The following CPA6 variants were observed in gnomAD, a reference collection of about 807,000 sequenced individuals.
CPA6 encodes the protein carboxypeptidase B.
Under a neutral mutation model 63.3 loss-of-function variants are expected in CPA6, and 58 were observed. The observed-to-expected ratio is 0.92, with a 90% CI of 0.74 to 1.14. The LOEUF (loss-of-function observed/expected upper bound fraction) is 1.14. Among genes scored for constraint, CPA6 ranks in the 50% most tolerant of loss-of-function variants. The pLI, the probability that CPA6 is intolerant of heterozygous loss-of-function variation, is 0.00. For synonymous variants in CPA6, 185 were observed against 179.0 expected (o/e 1.03, Z -0.27); for missense variants, 565 against 526.6 (o/e 1.07, Z -0.71).
intron 8 of CPA6, among the ~76,000 whole-genome samples, chr8:67,450,627 T>C (rs1465716107): frequency 6.6e-6 from 1 of 152,254 alleles, no homozygotes; most frequent in Non-Finnish European, 1.5e-5. Context: ...AGTGCTATTG[T>C]TCCTTTCTGG....
intron 4 of CPA6, 93 bp downstream of exon 4, chr8:67,511,448 C>G: frequency 1.4e-6 from 1 of 740,116 alleles, no homozygotes; most frequent in South Asian, 1.6e-5. Flanking sequence ...ATGCTTCTCC[C>G]CTAGAAGCAT....
intron 6 of CPA6, among the ~76,000 whole-genome samples, chr8:67,495,679 GTTTTCT>G (rs1458354520): frequency 1.3e-5 from 2 of 151,822 alleles, no homozygotes; most frequent in African/African-American, 4.8e-5. Flanking sequence ...CCTTATCAGT[GTTTTCT>G]TTTTCTTTTT....
At chr8:67,636,081 T>C (rs1003860137) in intron 1 of CPA6, among the ~76,000 whole-genome samples, 1 of 151,626 alleles carries the variant, frequency 6.6e-6, no homozygotes, top group African/African-American at 2.4e-5. Context: ...GCAACTTTTG[T>C]TGGTTTGGGG....
intron 2 of CPA6, among the ~76,000 whole-genome samples, chr8:67,575,998 G>A (rs1198752149): frequency 6.6e-6 from 1 of 152,116 alleles, no homozygotes; most frequent in Non-Finnish European, 1.5e-5. Context: ...TGAATTCATG[G>A]GAACTGAGAG....
intron 3 of CPA6, among the ~76,000 whole-genome samples, chr8:67,517,105 C>T (rs1410243584): frequency 1.3e-5 from 2 of 150,910 alleles, no homozygotes; most frequent in East Asian, 3.9e-4. Context: ...CCCACCTGCT[C>T]TTTTCTTACT....
chr8:67,529,651 C>T (rs530561900), intron 2 of CPA6, among the ~76,000 whole-genome samples: 1 of 152,090 alleles, frequency 6.6e-6, no homozygotes, highest in African/African-American at 2.4e-5. Flanking sequence ...ATAAGTAGGT[C>T]AAGTGAAAAC....
chr8:67,591,503 T>C (rs1294743604), intron 2 of CPA6, among the ~76,000 whole-genome samples: 2 of 152,374 alleles, frequency 1.3e-5, no homozygotes, highest in Middle Eastern at 3.4e-3. Context: ...TGATATTGAT[T>C]CTTCCTACCC....
intron 10 of CPA6, among the ~76,000 whole-genome samples, chr8:67,426,790 C>T (rs1809896869): frequency 6.6e-6 from 1 of 152,168 alleles, no homozygotes; most frequent in African/African-American, 2.4e-5. Context: ...TTCACACATA[C>T]ATGATTTCTC....
intron 1 of CPA6, among the ~76,000 whole-genome samples, chr8:67,674,241 C>T (rs140794785): frequency 2.0e-5 from 3 of 152,204 alleles, no homozygotes; most frequent in African/African-American, 4.8e-5. Flanking sequence ...TCAGGCTGTA[C>T]TGCAGAGACT....
At chr8:67,673,932 G>A (rs1049133079) in intron 1 of CPA6, among the ~76,000 whole-genome samples, 32 of 152,142 alleles carry the variant, frequency 2.1e-4, no homozygotes, top group African/African-American at 7.0e-4. Flanking sequence ...TGCTTTATGA[G>A]GTAAAGGTGA....
At chr8:67,572,647 AC>A in intron 2 of CPA6, among the ~76,000 whole-genome samples, 1 of 152,330 alleles carries the variant, frequency 6.6e-6, no homozygotes, top group South Asian at 2.1e-4. Flanking sequence ...ATGGACTAAG[AC>A]ACCCATTAAA....
chr8:67,458,146 T>C lies in CPA6; in HGVS notation c.839-23906A>G, dbSNP rs7833136. 4.6e-3 allele frequency among the ~76,000 whole-genome samples: 694 copies of C among 152,172 alleles called. 7 individuals carry two copies. Among genetic ancestry groups the C allele is most frequent in the African/African-American group, 0.016 (644 of 41,494 alleles). Reference sequence around the variant, plus strand: ...AATGTAAAAAGAAAAACTCTAAAACTCATAGAAAATAACATAGCAGAAAAT... The same window carrying C: ...AATGTAAAAAGAAAAACTCTAAAACCCATAGAAAATAACATAGCAGAAAAT... On this transcript the variant is annotated intron_variant, in intron 8 of 10. Coordinates refer to ENST00000297770, the MANE Select transcript of CPA6 (RefSeq NM_020361.5).
intron 2 of CPA6, among the ~76,000 whole-genome samples, chr8:67,594,050 C>A (rs1345185971): frequency 6.6e-6 from 1 of 151,664 alleles, no homozygotes; most frequent in Non-Finnish European, 1.5e-5. Flanking sequence ...TTTAGTGCTT[C>A]CTTCAGGAGC....
At chr8:67,676,661 G>A (rs973786398) in intron 1 of CPA6, among the ~76,000 whole-genome samples, 1 of 152,146 alleles carries the variant, frequency 6.6e-6, no homozygotes, top group African/African-American at 2.4e-5. Flanking sequence ...TCTCTAGACA[G>A]GCTTTTACAT....
intron 2 of CPA6, among the ~76,000 whole-genome samples, chr8:67,619,650 T>C (rs969762975): frequency 2.6e-5 from 4 of 152,148 alleles, no homozygotes; most frequent in African/African-American, 9.7e-5. Flanking sequence ...AAGAGTTGCT[T>C]AAAGTGTTTT....
chr8:67,543,933 A>G (rs1393529858), intron 2 of CPA6, among the ~76,000 whole-genome samples: 1 of 151,892 alleles, frequency 6.6e-6, no homozygotes, highest in Non-Finnish European at 1.5e-5. Flanking sequence ...ACAGGTGCAC[A>G]CCACCATGCC....
In CPA6 at chr8:67,552,510, AT is replaced by A. The variant is rs1328422027; in HGVS notation, c.193-34464del. The stretch of plus-strand genomic sequence containing the variant: ...AAATGATGGCCGGGCACGGTGGCTC[AT>A]GCCTGTAATCCCAGCACTTTGGGAG... On this transcript the variant is annotated intron_variant, in intron 2 of 10. Transcript: ENST00000297770. Among the ~76,000 whole-genome samples the A allele has an allele frequency of 6.6e-5, 10 of 152,206 alleles. No individual in the cohort carries two copies. The East Asian group carries it at 1.9e-3, about 29-fold the overall frequency.
At chr8:67,634,614 A>G (rs1815427080) in intron 1 of CPA6, among the ~76,000 whole-genome samples, 1 of 151,610 alleles carries the variant, frequency 6.6e-6, no homozygotes, top group Non-Finnish European at 1.5e-5. Context: ...CTTGGCCAAA[A>G]TGCTTAAACA....
At chr8:67,447,023 CAT>C (rs548626236) in intron 8 of CPA6, among the ~76,000 whole-genome samples, 1 of 122,516 alleles carries the variant, frequency 8.2e-6, no homozygotes, top group East Asian at 2.2e-4. Context: ...TACACACACA[CAT>C]ATATATACAC....
Sources: gnomAD v4.1 joint callset for allele counts (sites outside exome capture counted in the v4.1 genomes callset) on GRCh38, gnomAD v4.1.1 for gene constraint, MANE v1.5 for transcripts, NCBI Gene and HGNC (gene_info 2026-07-23, HGNC 2026-07-21) for gene names.